MEGF8: variants seen among roughly 807,000 people sequenced by gnomAD.
MEGF8 encodes the protein multiple epidermal growth factor-like domains protein 8.
MEGF8 carries 156 observed loss-of-function variants against 302.9 expected under a neutral mutation model. That is an observed-to-expected ratio of 0.52 (90% CI 0.45 to 0.59). MEGF8 has a LOEUF of 0.59. Ranked by LOEUF, MEGF8 falls within the 20% of genes least tolerant of loss-of-function variation. The pLI, the probability that MEGF8 is intolerant of heterozygous loss-of-function variation, is 0.00. For synonymous variants in MEGF8, 1,621 were observed against 1,660.5 expected (o/e 0.98, Z 0.58); for missense variants, 3,345 against 3,964.5 (o/e 0.84, Z 4.20).
rs760591664 is a variant in MEGF8 at position 42,358,293 on chromosome 19, T to C, written c.5161T>C (p.Ser1721Pro). The C allele has an allele frequency of 2.5e-6, 4 of 1,603,652 alleles. No homozygotes were observed. Among genetic ancestry groups the C allele is most frequent in the Non-Finnish European group, 8.5e-7 (1 of 1,175,460 alleles). ...PDRTWSLLAP[S>P]QGAKRDRMRN... ...CCGCACCTGGAGTCTGCTGGCCCCTTCTCAGGGGGCAAAGGTCAGGAAAAG... is the reference window on the plus strand; with the variant it reads ...CCGCACCTGGAGTCTGCTGGCCCCTCCTCAGGGGGCAAAGGTCAGGAAAAG... The change falls in exon 29 of 42, where the codon TCT (serine) becomes CCT (proline). Residue 1721 changes from serine (S) to proline (P), a missense_variant. Transcript: ENST00000251268. The surrounding 1 kb of genome is among the most constrained non-coding windows in gnomAD (Gnocchi z 4.4).
intron 1 of MEGF8, among the ~76,000 whole-genome samples, chr19:42,332,026 A>AT (rs945120896): frequency 5.9e-4 from 80 of 134,484 alleles, no homozygotes; most frequent in Non-Finnish European, 1.1e-3. Context: ...TAATTTTTGT[A>AT]TTTTTTTTTA....
Position 42,351,754 on chromosome 19 carries a change from C to A in MEGF8, c.3094C>A (p.Leu1032Met). The change falls in exon 18 of 42, where the codon CTG (leucine) becomes ATG (methionine). Residue 1032 changes from leucine to methionine, a missense_variant. Transcript: ENST00000251268. The surrounding 1 kb of genome is among the most constrained non-coding windows in gnomAD (Gnocchi z 5.6). The part of the protein sequence containing the change: ...GWCGNEDNPT[L>M]GRCLQGDFSG... ...GTGTGGCAATGAGGACAACCCCACA[C>A]TGGGACGGTGAGCCCGGGCAGGTGG... 6.3e-7 allele frequency: 1 copy of A among 1,576,136 alleles called. No individual in the cohort carries two copies.
rs1212299434 is a variant in MEGF8, at chr19:42,344,462, G to A, written c.1810G>A (p.Gly604Ser). 1.9e-6 allele frequency: 3 copies of A among 1,595,616 alleles called. No homozygotes were observed. Among genetic ancestry groups the A allele is most frequent in the Non-Finnish European group, 2.5e-6 (3 of 1,178,192 alleles). The change falls in exon 11 of 42, where the codon GGC becomes AGC. Residue 604 changes from glycine (G) to serine (S), a missense_variant. Coordinates refer to ENST00000251268, the MANE Select transcript of MEGF8 (RefSeq NM_001271938.2). This position sits in a 1 kb window ranked among gnomAD's most constrained non-coding sequence, Gnocchi z 4.5. Reference sequence around the variant, plus strand: ...GCAGTGTCCAGCCGCCAGCTGCCTGGGCCTGGGCCGCCTCCTGGGTGACTG... The same window carrying A: ...GCAGTGTCCAGCCGCCAGCTGCCTGAGCCTGGGCCGCCTCCTGGGTGACTG... The part of the protein sequence containing the change: ...LGACPAASCL[G>S]LGRLLGDCQA...
At chr19:42,373,718 T>G (rs533574590) in intron 41 of MEGF8, among the ~76,000 whole-genome samples, 4,215 of 146,390 alleles carry the variant, frequency 0.029, 200 homozygotes, top group African/African-American at 0.1. Flanking sequence ...TTTTTTTTTT[T>G]TTTTTTTTTT....
rs2039417434 is a variant in MEGF8, at chr19:42,354,101, C to A, written c.4011+77C>A. ...CTGACCCAGCCTGCATCCTCAGACC[C>A]TGACCCTAGTATTGCTGTTTTTTTT... On this transcript the variant is annotated intron_variant, in intron 22 of 41. Coordinates refer to ENST00000251268, the MANE Select transcript of MEGF8 (RefSeq NM_001271938.2). This position sits in a 1 kb window ranked among gnomAD's most constrained non-coding sequence, Gnocchi z 4.3. The A allele has an allele frequency of 8.9e-6, 13 of 1,467,442 alleles. 1 individual carries two copies. Among genetic ancestry groups the A allele is most frequent in the Middle Eastern group, 3.9e-4 (2 of 5,114 alleles). 90.9% of individuals were successfully genotyped at this position (1,467,442 alleles called of 1,614,324 possible).
Position 42,358,139 on chromosome 19 carries a change from A to G in MEGF8, c.5012-5A>G. ...CCCCCAGCCTGTCACCCTGCCCCTC[A>G]CCAGGTCTCTATGGTCACTCTGCTG... On this transcript the variant is annotated splice_region_variant and splice_polypyrimidine_tract_variant and intron_variant, in intron 28 of 41. Transcript: ENST00000251268. The surrounding 1 kb of genome is among the most constrained non-coding windows in gnomAD (Gnocchi z 4.4). The G allele has an allele frequency of 6.4e-7, 1 of 1,569,320 alleles. No individual in the cohort carries two copies. Among genetic ancestry groups the G allele is most frequent in the Non-Finnish European group, 8.6e-7 (1 of 1,159,202 alleles).
rs965918357 is a variant in MEGF8, at chr19:42,335,972, C to T, written c.870C>T (p.Ser290=). The T allele has an allele frequency of 3.3e-6, 5 of 1,525,784 alleles. No individual in the cohort carries two copies. The African/African-American group carries it at 6.9e-5, about 21-fold the overall frequency. The allele number at this position is 1,525,784 out of a possible 1,614,324, so 94.5% of individuals were successfully genotyped here. A position where few individuals can be genotyped will look rare whatever the true frequency, so the allele number is the denominator to read the frequency against. ...ATGTGGCCGTGGCCTGGGCCGGCTC[C>T]CTGGTACTGATGGGTGGTGAGCTGG... ...HSHVAVAWAG[S]LVLMGGELAD... is the part of the protein sequence containing the mutation. The change falls in exon 6 of 42, where the codon TCC becomes TCT. Residue 290 remains serine (S), a synonymous_variant. Coordinates refer to ENST00000251268, the MANE Select transcript of MEGF8 (RefSeq NM_001271938.2).
rs1452464133 is a variant in MEGF8 at position 42,332,583 on chromosome 19, G to A, written c.188-1022G>A. Reference sequence around the variant, plus strand: ...GGGTTTCGCCATGTTGGCTAGGCTGGTCTCAAACTCCTGTCCTCGTGATCC... The same window carrying A: ...GGGTTTCGCCATGTTGGCTAGGCTGATCTCAAACTCCTGTCCTCGTGATCC... On this transcript the variant is annotated intron_variant, in intron 1 of 41. Transcript: ENST00000251268. Among the ~76,000 whole-genome samples, 4 of 152,220 alleles carry A rather than the reference G, an allele frequency of 2.6e-5. No homozygotes were observed. In the South Asian group the frequency reaches 6.2e-4, roughly 24 times the overall value.
At position 42,352,219 on chromosome 19, in the gene MEGF8, G is replaced by A. The variant is rs1440575936; in HGVS notation, c.3113G>A (p.Gly1038Glu). 6.5e-7 allele frequency: 1 copy of A among 1,539,778 alleles called. No homozygotes were observed. Residue 1038 changes from glycine (G) to glutamate (E), a missense_variant, in exon 19 of 42, where the codon GGG (glycine) becomes GAG (glutamate). Physicochemically the swap from Gly to Glu is moderately conservative, Grantham distance 98 (BLOSUM62 -2). Coordinates refer to ENST00000251268, the MANE Select transcript of MEGF8 (RefSeq NM_001271938.2). The surrounding 1 kb of genome is among the most constrained non-coding windows in gnomAD (Gnocchi z 4.4). ...CTCCCACCCTGCAGGTGCCTACAGGGGGACTTCTCAGGGCCCCTCGGTGGG... is the reference window on the plus strand; with the variant it reads ...CTCCCACCCTGCAGGTGCCTACAGGAGGACTTCTCAGGGCCCCTCGGTGGG... The part of the protein sequence containing the change: ...DNPTLGRCLQ[G>E]DFSGPLGGGN...
intron 40 of MEGF8, 83 bp from the exon 41 acceptor site, chr19:42,371,267 A>G: frequency 6.5e-7 from 1 of 1,528,852 alleles, no homozygotes. Flanking sequence ...GGCCTGTTGC[A>G]CAGAGTTGAG....
chr19:42,377,611 A>C lies in MEGF8; in HGVS notation c.*836A>C, dbSNP rs2039785772. 1 of 152,208 alleles carries C rather than the reference A, an allele frequency of 6.6e-6. No individual in the cohort carries two copies. Among genetic ancestry groups the C allele is most frequent in the Non-Finnish European group, 1.5e-5 (1 of 68,092 alleles). The allele number at this position is 152,208 out of a possible 1,614,324, so 9.4% of individuals were successfully genotyped here. On this transcript the variant is annotated 3_prime_UTR_variant, in exon 42 of 42. Transcript: ENST00000251268. ...TGACCAGCCTGGCCAATATGGTGAA[A>C]CCCCATGTCTACTAAAAATACAAAA...
Position 42,375,897 on chromosome 19 carries a change from G to A in MEGF8, c.7660G>A (p.Ala2554Thr). 1.2e-6 allele frequency: 2 copies of A among 1,602,272 alleles called. No individual in the cohort carries two copies. The highest frequency in any genetic ancestry group is 1.7e-6 in the Non-Finnish European group (2 of 1,174,072). Residue 2554 changes from alanine (A) to threonine (T), a missense_variant, in exon 42 of 42, where the codon GCC becomes ACC. Transcript: ENST00000251268. This position sits in a 1 kb window ranked among gnomAD's most constrained non-coding sequence, Gnocchi z 7.1. ...GGCTGGGGATCCAGGAGGAGCAGGGGCCAGCAGTGGGCCGGGCGCCCCAGC... is the reference window on the plus strand; with the variant it reads ...GGCTGGGGATCCAGGAGGAGCAGGGACCAGCAGTGGGCCGGGCGCCCCAGC... Reference protein sequence around the residue: ...RGAGDPGGAGASSGPGAPAEP... With the variant: ...RGAGDPGGAGTSSGPGAPAEP...
At position 42,376,370 on chromosome 19, in the gene MEGF8, G is replaced by A. The variant is rs370578585; in HGVS notation, c.8133G>A (p.Pro2711=). The A allele has an allele frequency of 3.2e-4, 524 of 1,613,174 alleles. No individual in the cohort carries two copies. The highest frequency in any genetic ancestry group is 3.5e-4 in the Non-Finnish European group (414 of 1,179,804). ...GCTTCCCACCTGACCCTACTGCCCC[G>A]GCCTCCGCCTGGAAGCCGGCTGGGC... The part of the protein sequence containing the change: ...TVCFPPDPTA[P]ASAWKPAGLP... Residue 2711 remains proline, a synonymous_variant, in exon 42 of 42, where the codon CCG becomes CCA. Coordinates refer to ENST00000251268, the MANE Select transcript of MEGF8 (RefSeq NM_001271938.2). The surrounding 1 kb of genome is among the most constrained non-coding windows in gnomAD (Gnocchi z 8.2).
rs533909634 is a variant in MEGF8, at chr19:42,351,637, C to T, written c.2988-11C>T. The T allele has an allele frequency of 3.1e-6, 5 of 1,590,788 alleles. No homozygotes were observed. The highest frequency in any genetic ancestry group is 1.1e-5 in the South Asian group (1 of 87,586). On this transcript the variant is annotated splice_polypyrimidine_tract_variant and intron_variant, in intron 17 of 41. Coordinates refer to ENST00000251268, the MANE Select transcript of MEGF8 (RefSeq NM_001271938.2). The surrounding 1 kb of genome is among the most constrained non-coding windows in gnomAD (Gnocchi z 5.6). ...GCTGGGGCTCTGACCCCCACCCCTG[C>T]CATCCTGCAGTGTACACTCGGAGCC...
At position 42,335,966 on chromosome 19, in the gene MEGF8, C is replaced by T. The variant is rs1031803792; in HGVS notation, c.864C>T (p.Ala288=). ...ACTCCCATGTGGCCGTGGCCTGGGCCGGCTCCCTGGTACTGATGGGTGGTG... is the reference window on the plus strand; with the variant it reads ...ACTCCCATGTGGCCGTGGCCTGGGCTGGCTCCCTGGTACTGATGGGTGGTG... ...ARHSHVAVAW[A]GSLVLMGGEL... is the part of the protein sequence containing the mutation. Residue 288 remains alanine, a synonymous_variant, in exon 6 of 42, where the codon GCC becomes GCT. Transcript: ENST00000251268. 13 of 1,506,278 alleles carry T rather than the reference C, an allele frequency of 8.6e-6. No homozygotes were observed. Among genetic ancestry groups the T allele is most frequent in the Middle Eastern group, 1.8e-4 (1 of 5,614 alleles). 93.3% of individuals were successfully genotyped at this position (1,506,278 alleles called of 1,614,324 possible). A position where few individuals can be genotyped will look rare whatever the true frequency, so the allele number is the denominator to read the frequency against.
At chr19:42,343,395 G>A (rs771006390) in intron 8 of MEGF8, 82 bp from the exon 9 acceptor site, 38 of 1,439,078 alleles carry the variant, frequency 2.6e-5, no homozygotes, top group Non-Finnish European at 3.5e-5. Flanking sequence ...AGGCTGGGCT[G>A]TGGCCCAGGA....
At position 42,351,590 on chromosome 19, in the gene MEGF8, GAAGATTCC is replaced by G; in HGVS notation, c.2987+31_2987+38del. The G allele has an allele frequency of 1.2e-6, 2 of 1,605,318 alleles. No homozygotes were observed. Among genetic ancestry groups the G allele is most frequent in the Non-Finnish European group, 1.7e-6 (2 of 1,176,200 alleles). ...GGTCCCTGGGGCAGGGCTAACAGAGGAAGATTCCCCACCGGCAAGGGGCTGGGGCTCTG... is the reference window on the plus strand; with the variant it reads ...GGTCCCTGGGGCAGGGCTAACAGAGGCCACCGGCAAGGGGCTGGGGCTCTG... On this transcript the variant is annotated intron_variant, in intron 17 of 41. Coordinates refer to ENST00000251268, the MANE Select transcript of MEGF8 (RefSeq NM_001271938.2). The surrounding 1 kb of genome is among the most constrained non-coding windows in gnomAD (Gnocchi z 5.6).
chr19:42,362,169 T>G lies in MEGF8; in HGVS notation c.5800T>G (p.Cys1934Gly). The change falls in exon 33 of 42, where the codon TGC becomes GGC. Residue 1934 changes from cysteine (C) to glycine (G), a missense_variant. Physicochemically the swap from Cys to Gly is radical, Grantham distance 159. Coordinates refer to ENST00000251268, the MANE Select transcript of MEGF8 (RefSeq NM_001271938.2). ...TCGACGTCTCCGGACCTGCAGTGAGTGCCTGGCCCGCCATCCTCGGACCCT... is the reference window on the plus strand; with the variant it reads ...TCGACGTCTCCGGACCTGCAGTGAGGGCCTGGCCCGCCATCCTCGGACCCT... ...ECRRLRTCSE[C>G]LARHPRTLQP... 1 of 1,610,586 alleles carries G rather than the reference T, an allele frequency of 6.2e-7. No homozygotes were observed. Among genetic ancestry groups the G allele is most frequent in the Non-Finnish European group, 8.5e-7 (1 of 1,178,952 alleles).
Position 42,344,089 on chromosome 19 carries a change from A to G in MEGF8, c.1788+16A>G. 1.2e-6 allele frequency: 2 copies of G among 1,612,138 alleles called. No homozygotes were observed. The highest frequency in any genetic ancestry group is 1.7e-4 in the Middle Eastern group (1 of 6,054). Reference sequence around the variant, plus strand: ...CTTGGGGGCTGTGAGTGACAGCCCTAGACCCTCTGTTCCCTAGCATAGAGA... The same window carrying G: ...CTTGGGGGCTGTGAGTGACAGCCCTGGACCCTCTGTTCCCTAGCATAGAGA... On this transcript the variant is annotated intron_variant, in intron 10 of 41. Coordinates refer to ENST00000251268, the MANE Select transcript of MEGF8 (RefSeq NM_001271938.2). The surrounding 1 kb of genome is among the most constrained non-coding windows in gnomAD (Gnocchi z 4.5).
Sources: gnomAD v4.1 joint callset for allele counts (sites outside exome capture counted in the v4.1 genomes callset) on GRCh38, gnomAD v4.1.1 for gene constraint, Gnocchi (gnomAD v3.1) non-coding constraint, MANE v1.5 for transcripts, NCBI Gene and HGNC (gene_info 2026-07-23, HGNC 2026-07-21) for gene names.